Variants in CADM2 observed in about 807,000 individuals in gnomAD.
The protein encoded by CADM2 is immunoglobulin superfamily member 4D.
CADM2 carries 12 observed loss-of-function variants against 49.8 expected under a neutral mutation model. That is an observed-to-expected ratio of 0.24 (90% CI 0.15 to 0.39). The LOEUF (loss-of-function observed/expected upper bound fraction) is 0.39, where lower values mean the gene tolerates loss of function less well. Ranked by LOEUF, CADM2 falls within the 10% of genes least tolerant of loss-of-function variation. The probability of loss-of-function intolerance (pLI) is 1.00; values close to 1 mark genes in which losing one functional copy is unlikely to be tolerated. For missense variants in CADM2, 378 were observed against 492.3 expected (o/e 0.77, Z 2.20); for synonymous variants, 214 against 175.4 (o/e 1.22, Z -1.74).
chr3:85,831,748 A>G (rs2074197019), intron 3 of CADM2, among the ~76,000 whole-genome samples: 1 of 151,996 alleles, frequency 6.6e-6, no homozygotes, highest in Non-Finnish European at 1.5e-5. Context: ...TGTCAAATGC[A>G]TAGTTTGTGA....
chr3:85,567,721 T>C (rs1187602849), intron 1 of CADM2, among the ~76,000 whole-genome samples: 1 of 152,168 alleles, frequency 6.6e-6, no homozygotes, highest in Admixed American at 6.5e-5. Context: ...TTATGGAGGC[T>C]TAAGAAGTCC....
intron 1 of CADM2, among the ~76,000 whole-genome samples, chr3:85,156,368 A>G (rs1202258180): frequency 3.3e-5 from 5 of 152,176 alleles, no homozygotes; most frequent in African/African-American, 9.7e-5. Flanking sequence ...AAACTAGAAA[A>G]TCTAGAAGAA....
intron 1 of CADM2, among the ~76,000 whole-genome samples, chr3:85,113,646 C>T (rs1278504332): frequency 1.2e-4 from 18 of 149,972 alleles, no homozygotes; most frequent in Admixed American, 1.2e-3. Context: ...GTAATTAAAG[C>T]AATTTTATTT....
chr3:85,599,731 G>A (rs1451836264), intron 1 of CADM2, among the ~76,000 whole-genome samples: 1 of 151,792 alleles, frequency 6.6e-6, no homozygotes, highest in Non-Finnish European at 1.5e-5. Flanking sequence ...ATTGATTTTA[G>A]ATGTATAGGA....
At chr3:85,144,643 A>AGAAAGAAC (rs1056076227) in intron 1 of CADM2, among the ~76,000 whole-genome samples, 3 of 151,730 alleles carry the variant, frequency 2.0e-5, no homozygotes, top group Non-Finnish European at 4.4e-5. Flanking sequence ...AAAGAAAGAA[A>AGAAAGAAC]GAACAAGATT....
chr3:85,861,897 T>G (rs1329941467), intron 3 of CADM2, among the ~76,000 whole-genome samples: 1 of 151,976 alleles, frequency 6.6e-6, no homozygotes, highest in African/African-American at 2.4e-5. Context: ...TAAAAGAAAA[T>G]TTAATATAAT....
rs965617936 is a variant in CADM2, at chr3:85,736,419, G to C, written c.88+9871G>C. On this transcript the variant is annotated intron_variant, in intron 2 of 9. Transcript: ENST00000383699. ...AAGAAGGCTAGGAAGATTTCTTAGA[G>C]AAAATGATGGTCAGAAAAATGCTGA... 9.2e-5 allele frequency among the ~76,000 whole-genome samples: 14 copies of C among 152,168 alleles called. 1 individual carries two copies. The highest frequency in any genetic ancestry group is 3.1e-4 in the African/African-American group (13 of 41,446).
intron 8 of CADM2, among the ~76,000 whole-genome samples, chr3:85,990,031 AAAAAAAAAAAAAAG>A (rs1728582464): frequency 1.4e-5 from 2 of 147,990 alleles, no homozygotes; most frequent in Admixed American, 6.8e-5. Context: ...AAAAAAAAAA[AAAAAAAAAAAAAAG>A]AAGACTAATA....
intron 1 of CADM2, among the ~76,000 whole-genome samples, chr3:84,961,652 C>A (rs2030534393): frequency 3.3e-5 from 5 of 151,604 alleles, no homozygotes; most frequent in Admixed American, 3.3e-4. Context: ...GCGCGCGCGC[C>A]GGCGTGTGCC....
Position 84,974,658 on chromosome 3 carries a change from G to A in CADM2, c.61+14990G>A, listed in dbSNP as rs556202934. Among the ~76,000 whole-genome samples, 59 of 151,754 alleles carry A rather than the reference G, an allele frequency of 3.9e-4. No homozygotes were observed. In the South Asian group the frequency reaches 7.3e-3, roughly 19 times the overall value. ...TAAGGCATAGCTTTGGTTTCCTAGT[G>A]GTATTATGTTTTACTAACCAACTAA... On this transcript the variant is annotated intron_variant, in intron 1 of 9. Coordinates refer to ENST00000383699, the MANE Select transcript of CADM2 (RefSeq NM_001167675.2).
At chr3:85,809,785 TC>T (rs1275402648) in intron 3 of CADM2, among the ~76,000 whole-genome samples, 4,409 of 107,282 alleles carry the variant, frequency 0.041, 618 homozygotes, top group African/African-American at 0.13. Flanking sequence ...TCTCTCTCTC[TC>T]TCTCTCTTTC....
chr3:85,370,760 CAGA>C (rs2033170015), intron 1 of CADM2, among the ~76,000 whole-genome samples: 1 of 151,944 alleles, frequency 6.6e-6, no homozygotes, highest in Non-Finnish European at 1.5e-5. Context: ...GGAGGTGTTC[CAGA>C]AGAAGAGATT....
At chr3:85,150,923 A>AATAAT (rs1553688805) in intron 1 of CADM2, among the ~76,000 whole-genome samples, 5 of 146,818 alleles carry the variant, frequency 3.4e-5, no homozygotes, top group African/African-American at 1.3e-4. Flanking sequence ...AAATAAAAAT[A>AATAAT]AATAATAATA....
At chr3:85,502,670 T>C (rs12638798) in intron 1 of CADM2, among the ~76,000 whole-genome samples, 90,472 of 151,908 alleles carry the variant, frequency 0.6, 28,388 homozygotes, top group East Asian at 0.93. Flanking sequence ...CTCTGACAGA[T>C]TATGATGAAT....
In CADM2 at chr3:85,349,510, C is replaced by T. The variant is rs189982107; in HGVS notation, c.62-377012C>T. On this transcript the variant is annotated intron_variant, in intron 1 of 9. Coordinates refer to ENST00000383699, the MANE Select transcript of CADM2 (RefSeq NM_001167675.2). ...ACTTCTCCCTTTCTGTCTTCCCTAA[C>T]AATTTTTACTTTCATTTGGCATTAC... 2.6e-3 allele frequency among the ~76,000 whole-genome samples: 399 copies of T among 152,230 alleles called. 2 individuals are homozygous for T. The highest frequency in any genetic ancestry group is 9.2e-3 in the African/African-American group (383 of 41,558).
intron 1 of CADM2, among the ~76,000 whole-genome samples, chr3:85,555,547 T>C (rs2061938584): frequency 6.6e-6 from 1 of 152,268 alleles, no homozygotes; most frequent in East Asian, 1.9e-4. Flanking sequence ...TGATAATGCA[T>C]AAAATCAAGC....
intron 1 of CADM2, among the ~76,000 whole-genome samples, chr3:85,094,590 C>A (rs1024950175): frequency 1.3e-5 from 2 of 152,034 alleles, no homozygotes; most frequent in Non-Finnish European, 2.9e-5. Context: ...ACTGAGTTTT[C>A]TTTAAAATGA....
At chr3:85,775,737 C>A (rs1204203468) in intron 2 of CADM2, among the ~76,000 whole-genome samples, 1 of 151,762 alleles carries the variant, frequency 6.6e-6, no homozygotes. Context: ...TATATACAAT[C>A]TGATACAATA....
chr3:85,661,310 T>C (rs1239823134), intron 1 of CADM2, among the ~76,000 whole-genome samples: 1 of 152,134 alleles, frequency 6.6e-6, no homozygotes, highest in Non-Finnish European at 1.5e-5. Context: ...ACTAGCTTCC[T>C]TTGTAGATCT....
Sources: gnomAD v4.1 joint callset for allele counts (sites outside exome capture counted in the v4.1 genomes callset) on GRCh38, gnomAD v4.1.1 for gene constraint, MANE v1.5 for transcripts, NCBI Gene and HGNC (gene_info 2026-07-23, HGNC 2026-07-21) for gene names.